The following TMTC2 variants were observed in gnomAD, a reference collection of about 807,000 sequenced individuals.
The protein encoded by TMTC2 is transmembrane O-mannosyltransferase targeting cadherins 2.
A neutral mutation model predicts 82.4 loss-of-function variants in TMTC2; 43 were observed. The ratio of observed to expected loss-of-function variants is 0.52; its 90% confidence interval spans 0.41 to 0.67. The LOEUF is 0.67. Among genes scored for constraint, TMTC2 ranks in the 30% least tolerant of loss-of-function variants. The pLI is 0.00. For synonymous variants in TMTC2, 408 were observed against 381.9 expected, an observed-to-expected ratio of 1.07 and a Z score of -0.80; for missense variants, 919 against 1,012.4, an observed-to-expected ratio of 0.91 and a Z score of 1.25.
chr12:83,042,605 G>A (rs920871078), intron 9 of TMTC2, among the ~76,000 whole-genome samples: 18 of 151,644 alleles, frequency 1.2e-4, no homozygotes, highest in African/African-American at 4.1e-4. Context: ...ATAGCTTCTC[G>A]CCTCCTCCCC....
intron 8 of TMTC2, among the ~76,000 whole-genome samples, chr12:83,008,691 A>C (rs181733752): frequency 6.6e-6 from 1 of 152,170 alleles, no homozygotes. Context: ...GCCATGTCTC[A>C]TGTTTTTTTG....
At chr12:83,069,157 C>A (rs568248841) in intron 11 of TMTC2, among the ~76,000 whole-genome samples, 118 of 152,058 alleles carry the variant, frequency 7.8e-4, no homozygotes, top group African/African-American at 2.8e-3. Flanking sequence ...TGAATTGTGC[C>A]ACTATAAACA....
At chr12:82,756,638 A>G (rs535198435) in intron 1 of TMTC2, among the ~76,000 whole-genome samples, 2 of 152,200 alleles carry the variant, frequency 1.3e-5, no homozygotes, top group Non-Finnish European at 2.9e-5. Flanking sequence ...ACCTGGAGAG[A>G]GTTAGCTTTT....
chr12:82,992,347 G>C (rs1359605514), intron 8 of TMTC2, among the ~76,000 whole-genome samples: 1 of 152,064 alleles, frequency 6.6e-6, no homozygotes, highest in Non-Finnish European at 1.5e-5. Context: ...TTGTTTGTTT[G>C]TTTATTTATT....
intron 1 of TMTC2, among the ~76,000 whole-genome samples, chr12:82,753,026 A>C (rs1209318363): frequency 6.6e-6 from 1 of 151,962 alleles, no homozygotes; most frequent in African/African-American, 2.4e-5. Context: ...TGGTCTTTTC[A>C]TCATCTTTTT....
chr12:82,947,051 ACTTT>A (rs1232775842), intron 4 of TMTC2, among the ~76,000 whole-genome samples: 1 of 152,022 alleles, frequency 6.6e-6, no homozygotes, highest in African/African-American at 2.4e-5. Flanking sequence ...CCAGGCATGC[ACTTT>A]CTTTAACAAC....
rs750550745 is a variant in TMTC2, at chr12:82,776,615, GA to G, written c.84-80375del. On this transcript the variant is annotated intron_variant, in intron 1 of 11. Coordinates refer to ENST00000321196, the MANE Select transcript of TMTC2 (RefSeq NM_152588.3). Reference sequence around the variant, plus strand: ...GCAACAGAAAGATGTTGTCTCTAATGAAAAAAAAAAAAAAAAAAAAGAATCT... The same window carrying G: ...GCAACAGAAAGATGTTGTCTCTAATGAAAAAAAAAAAAAAAAAAAGAATCT... Among the ~76,000 whole-genome samples the G allele has an allele frequency of 8.5e-3, 745 of 87,354 alleles. 2 individuals are homozygous for G. The highest frequency in any genetic ancestry group is 0.02 in the African/African-American group (534 of 26,158). The allele number at this position is 87,354 out of a possible 152,430, so 57.3% of individuals were successfully genotyped here. A position where few individuals can be genotyped will look rare whatever the true frequency, so the allele number is the denominator to read the frequency against.
chr12:82,691,594 C>T (rs374225784), intron 1 of TMTC2, among the ~76,000 whole-genome samples: 1 of 151,976 alleles, frequency 6.6e-6, no homozygotes. Flanking sequence ...TCTGCTTGAT[C>T]TTTTAATGTT....
intron 11 of TMTC2, among the ~76,000 whole-genome samples, chr12:83,121,772 G>T (rs1436607168): frequency 2.6e-5 from 4 of 152,096 alleles, no homozygotes; most frequent in African/African-American, 7.2e-5. Context: ...AGGACCATTG[G>T]TTGGGGGCAG....
At chr12:82,906,230 A>T (rs1212993247) in intron 3 of TMTC2, among the ~76,000 whole-genome samples, 1 of 152,192 alleles carries the variant, frequency 6.6e-6, no homozygotes, top group Non-Finnish European at 1.5e-5. Context: ...GTCTTTAACT[A>T]TGATGAGTTG....
At chr12:83,117,153 A>G (rs1287976819) in intron 11 of TMTC2, among the ~76,000 whole-genome samples, 7 of 152,148 alleles carry the variant, frequency 4.6e-5, no homozygotes, top group Non-Finnish European at 8.8e-5. Context: ...GTGGCTAGCC[A>G]ATTATCCCAG....
chr12:83,123,542 G>A (rs1008093142), intron 11 of TMTC2, among the ~76,000 whole-genome samples: 3 of 152,126 alleles, frequency 2.0e-5, no homozygotes, highest in Non-Finnish European at 4.4e-5. Context: ...TTTGTTTTAT[G>A]ATAGCCTTTT....
intron 1 of TMTC2, among the ~76,000 whole-genome samples, chr12:82,713,215 G>A (rs889407801): frequency 6.6e-6 from 1 of 152,112 alleles, no homozygotes; most frequent in African/African-American, 2.4e-5. Context: ...CAGCTACTTG[G>A]GAGGCTGAGA....
chr12:82,988,481 G>A (rs1039190130), intron 8 of TMTC2, among the ~76,000 whole-genome samples: 1 of 152,074 alleles, frequency 6.6e-6, no homozygotes, highest in Non-Finnish European at 1.5e-5. Flanking sequence ...CTAGGCACCT[G>A]CCTTCAAGGC....
At chr12:82,836,610 T>C (rs1870055088) in intron 1 of TMTC2, among the ~76,000 whole-genome samples, 2 of 152,194 alleles carry the variant, frequency 1.3e-5, no homozygotes, top group African/African-American at 4.8e-5. Flanking sequence ...GCCTTGATTT[T>C]AGACCACTGA....
intron 1 of TMTC2, among the ~76,000 whole-genome samples, chr12:82,808,821 A>ATT (rs2137046653): frequency 6.6e-6 from 1 of 152,100 alleles, no homozygotes; most frequent in East Asian, 1.9e-4. Context: ...CTATTCTAAC[A>ATT]TTTTAATGTA....
chr12:82,851,842 T>C (rs1592574252), intron 1 of TMTC2, among the ~76,000 whole-genome samples: 1 of 151,908 alleles, frequency 6.6e-6, no homozygotes, highest in Non-Finnish European at 1.5e-5. Flanking sequence ...GCGTCATTCC[T>C]GCTCTGAAGG....
chr12:83,012,015 G>A (rs150014741), intron 8 of TMTC2, among the ~76,000 whole-genome samples: 77 of 152,258 alleles, frequency 5.1e-4, no homozygotes, highest in African/African-American at 1.7e-3. Context: ...CAGTCAGGCC[G>A]TAACACTCAC....
Position 82,973,110 on chromosome 12 carries a change from A to G in TMTC2, c.1948+6113A>G, listed in dbSNP as rs189262989. On this transcript the variant is annotated intron_variant, in intron 7 of 11. Coordinates refer to ENST00000321196, the MANE Select transcript of TMTC2 (RefSeq NM_152588.3). The stretch of plus-strand genomic sequence containing the variant: ...TTTCACATCTTTCAAGTGTGGAAGC[A>G]TTAACACTCCAGTAGCGTTAAGCTT... 2.8e-4 allele frequency among the ~76,000 whole-genome samples: 42 copies of G among 152,306 alleles called. No individual in the cohort carries two copies. The East Asian group carries it at 7.3e-3, about 27-fold the overall frequency.
Sources: gnomAD v4.1 joint callset for allele counts (sites outside exome capture counted in the v4.1 genomes callset) on GRCh38, gnomAD v4.1.1 for gene constraint, MANE v1.5 for transcripts, NCBI Gene and HGNC (gene_info 2026-07-23, HGNC 2026-07-21) for gene names.